The following PSD3 variants were observed in gnomAD, a reference collection of about 807,000 sequenced individuals.
PSD3 encodes PH and SEC7 domain-containing protein 3.
PSD3 carries 49 observed loss-of-function variants against 105.5 expected under a neutral mutation model. The observed-to-expected ratio is 0.46, with a 90% confidence interval of 0.37 to 0.59. The LOEUF is 0.59. Among genes scored for constraint, PSD3 ranks in the 20% least tolerant of loss-of-function variants. PSD3 has a pLI of 0.00. For missense variants in PSD3, 1,561 were observed against 1,263.8 expected (o/e 1.24, Z -3.57); for synonymous variants, 557 against 457.8 (o/e 1.22, Z -2.77).
chr8:18,562,803 T>A (rs1801476910), intron 14 of PSD3, among the ~76,000 whole-genome samples: 1 of 151,946 alleles, frequency 6.6e-6, no homozygotes, highest in Non-Finnish European at 1.5e-5. Flanking sequence ...GCAGGGGAAT[T>A]GCTTGAACCT....
chr8:19,063,027 T>G (rs1394562495), intron 1 of PSD3, among the ~76,000 whole-genome samples: 1 of 152,184 alleles, frequency 6.6e-6, no homozygotes, highest in African/African-American at 2.4e-5. Context: ...TGTGAGACAG[T>G]TGGACTTGAA....
rs551402515 is a variant in PSD3, at chr8:18,579,842, C to T, written c.2482-4557G>A. On this transcript the variant is annotated intron_variant, in intron 12 of 15. Transcript: ENST00000327040. ...TTTTCAATGTACTATTTACTTCATG[C>T]CTCATTAAATAGGTAAAATAGCTAC... is the stretch of plus-strand genomic sequence containing the variant. Among the ~76,000 whole-genome samples the T allele has an allele frequency of 1.4e-3, 216 of 152,016 alleles. 3 individuals carry two copies. Among genetic ancestry groups the T allele is most frequent in the South Asian group, 5.8e-3 (28 of 4,790 alleles).
At chr8:19,012,748 C>T (rs1377169758) in intron 1 of PSD3, among the ~76,000 whole-genome samples, 1 of 152,226 alleles carries the variant, frequency 6.6e-6, no homozygotes, top group East Asian at 1.9e-4. Context: ...TGCCAGAATC[C>T]CACTTACAGT....
intron 9 of PSD3, among the ~76,000 whole-genome samples, chr8:18,765,200 T>A (rs1332106721): frequency 6.6e-6 from 1 of 152,208 alleles, no homozygotes; most frequent in African/African-American, 2.4e-5. Context: ...CCACTCACTA[T>A]TTGTATCACC....
chr8:19,015,139 T>A (rs1586631148), upstream of PSD3, among the ~76,000 whole-genome samples: 1 of 151,996 alleles, frequency 6.6e-6, no homozygotes, highest in Admixed American at 6.6e-5. Flanking sequence ...TGGGGGCGGG[T>A]CTTTCCTGGG....
chr8:18,600,527 T>C (rs1253766570), intron 11 of PSD3, 93 bp from the exon 12 acceptor site: 2 of 1,036,376 alleles, frequency 1.9e-6, no homozygotes, highest in African/African-American at 1.6e-5. Flanking sequence ...GTTTCAATAT[T>C]CTACCTAGCT....
rs141519386 is a variant in PSD3, at chr8:18,889,779, T to A, written c.131-17046A>T. 2.6e-3 allele frequency among the ~76,000 whole-genome samples: 389 copies of A among 152,214 alleles called. 1 individual carries two copies. The highest frequency in any genetic ancestry group is 4.7e-3 in the Non-Finnish European group (321 of 68,008). The stretch of plus-strand genomic sequence containing the variant: ...GGATGTCTCCCCATACCTGAATTTT[T>A]AAAAACCCCATGTACAAATTTTAGA... On this transcript the variant is annotated intron_variant, in intron 2 of 15. Transcript: ENST00000327040.
At chr8:19,079,912 C>CA (rs1406590970) in intron 1 of PSD3, among the ~76,000 whole-genome samples, 21 of 130,686 alleles carry the variant, frequency 1.6e-4, no homozygotes, top group Non-Finnish European at 3.2e-4. Context: ...TTTTTTGAGA[C>CA]AGAGTCTAGC....
chr8:18,646,251 A>C (rs1168248665), intron 10 of PSD3, among the ~76,000 whole-genome samples: 2 of 152,136 alleles, frequency 1.3e-5, no homozygotes, highest in African/African-American at 4.8e-5. Context: ...TCTTCATCCC[A>C]AATAACTTTT....
chr8:18,927,204 T>C (rs1324048448), intron 2 of PSD3, among the ~76,000 whole-genome samples: 1 of 151,998 alleles, frequency 6.6e-6, no homozygotes, highest in African/African-American at 2.4e-5. Context: ...AACGCTGTCC[T>C]TTCGGGTTTT....
chr8:18,901,149 A>G (rs1423642874), intron 2 of PSD3, among the ~76,000 whole-genome samples: 1 of 152,200 alleles, frequency 6.6e-6, no homozygotes. Context: ...TTATGAATTC[A>G]TGTCACAACT....
At chr8:18,975,447 G>A (rs1228510799) in intron 1 of PSD3, among the ~76,000 whole-genome samples, 2 of 151,928 alleles carry the variant, frequency 1.3e-5, no homozygotes, top group East Asian at 1.9e-4. Flanking sequence ...TAAAAGTCAC[G>A]CAGAAGAGCG....
chr8:18,892,656 ACT>A (rs1386169151), intron 2 of PSD3, among the ~76,000 whole-genome samples: 1 of 124,320 alleles, frequency 8.0e-6, no homozygotes, highest in Non-Finnish European at 1.7e-5. Context: ...ACAGGGCCTC[ACT>A]CTGTCATCCA....
At chr8:18,636,830 G>C (rs944867865) in intron 10 of PSD3, among the ~76,000 whole-genome samples, 1 of 152,220 alleles carries the variant, frequency 6.6e-6, no homozygotes, top group Non-Finnish European at 1.5e-5. Context: ...TAGTACACAT[G>C]ATGTTCACAC....
At chr8:18,566,768 AT>A (rs1801793930) in intron 14 of PSD3, among the ~76,000 whole-genome samples, 1 of 151,854 alleles carries the variant, frequency 6.6e-6, no homozygotes, top group African/African-American at 2.4e-5. Context: ...TCAATCCCTA[AT>A]TGTGATTATA....
chr8:18,707,270 C>G (rs1367711017), intron 9 of PSD3, among the ~76,000 whole-genome samples: 1 of 152,194 alleles, frequency 6.6e-6, no homozygotes, highest in Non-Finnish European at 1.5e-5. Context: ...CCCCTTTATA[C>G]TGCTCTGCTC....
At chr8:19,044,754 A>C (rs910795554) in intron 1 of PSD3, among the ~76,000 whole-genome samples, 12 of 152,224 alleles carry the variant, frequency 7.9e-5, no homozygotes, top group African/African-American at 2.7e-4. Context: ...AACTTTGCTC[A>C]GTGGTACCAT....
At chr8:18,760,789 C>A (rs1806459074) in intron 9 of PSD3, among the ~76,000 whole-genome samples, 1 of 152,050 alleles carries the variant, frequency 6.6e-6, no homozygotes, top group Non-Finnish European at 1.5e-5. Context: ...GAAAGAAGTC[C>A]CCAGGCTGAC....
chr8:18,547,211 C>G (rs1304251833), intron 15 of PSD3, among the ~76,000 whole-genome samples: 4 of 152,166 alleles, frequency 2.6e-5, no homozygotes, highest in African/African-American at 9.7e-5. Flanking sequence ...GCAGGACACA[C>G]TCTAGCAGTG....
Sources: allele counts gnomAD v4.1 joint callset (sites outside exome capture counted in the v4.1 genomes callset), GRCh38; gene constraint gnomAD v4.1.1; transcripts MANE v1.5; gene names NCBI Gene and HGNC (gene_info 2026-07-23, HGNC 2026-07-21).